RB1: variants seen among roughly 807,000 people sequenced by gnomAD.
RB1 encodes retinoblastoma-associated protein.
In RB1, 18 loss-of-function variants were observed where a neutral mutation model predicts 135.4. The ratio of observed to expected loss-of-function variants is 0.13; its 90% CI spans 0.09 to 0.20. RB1 has a LOEUF of 0.20. Ranked by LOEUF, RB1 falls within the 10% of genes least tolerant of loss-of-function variation. RB1 has a pLI of 1.00. For missense variants in RB1, 868 were observed against 1,110.0 expected, an observed-to-expected ratio of 0.78 and a Z score of 3.10; for synonymous variants, 365 against 373.2, an observed-to-expected ratio of 0.98 and a Z score of 0.25.
chr13:48,366,433 A>T (rs913010136), intron 9 of RB1, among the ~76,000 whole-genome samples: 8 of 152,230 alleles, frequency 5.3e-5, no homozygotes, highest in African/African-American at 1.9e-4. Context: ...ATTAATGAAA[A>T]GTTTGCATTT....
chr13:48,392,150 G>T (rs1948615609), intron 17 of RB1, among the ~76,000 whole-genome samples: 1 of 149,782 alleles, frequency 6.7e-6, no homozygotes, highest in Admixed American at 6.7e-5. Flanking sequence ...TCGCTCTTTT[G>T]CCCAGGCTGG....
At chr13:48,470,608 C>A (rs201302606) in intron 23 of RB1, among the ~76,000 whole-genome samples, 1 of 23,148 alleles carries the variant, frequency 4.3e-5, no homozygotes. Flanking sequence ...AAAGAAACTA[C>A]CATCAGAGTG....
chr13:48,428,808 A>G (rs1593508364), intron 17 of RB1, among the ~76,000 whole-genome samples: 1 of 152,226 alleles, frequency 6.6e-6, no homozygotes, highest in East Asian at 1.9e-4. Context: ...GCTGCTTTCA[A>G]ATAATTAGAA....
intron 17 of RB1, among the ~76,000 whole-genome samples, chr13:48,422,453 G>A (rs1300609372): frequency 3.3e-5 from 5 of 152,080 alleles, no homozygotes; most frequent in Non-Finnish European, 5.9e-5. Flanking sequence ...ACCATGGCAC[G>A]TGTATACCTA....
chr13:48,480,051 TC>T lies in RB1; in HGVS notation c.2768del (p.Ser923Ter). On this transcript the variant is annotated frameshift_variant, in exon 27 of 27. Transcript: ENST00000267163. LOFTEE classifies it high-confidence loss of function. The stretch of plus-strand genomic sequence containing the variant: ...GAAAATGAATGATAGCATGGATACC[TC>T]AAACAAGGAAGAGAAATGAGGATCT... ...KQKMNDSMDT[S>X]NKEEK is the part of the protein sequence containing the mutation. 6.2e-7 allele frequency: 1 copy of T among 1,612,990 alleles called. No individual in the cohort carries two copies. The highest frequency in any genetic ancestry group is 8.5e-7 in the Non-Finnish European group (1 of 1,179,176).
chr13:48,466,484 T>A (rs1041613816), intron 23 of RB1, among the ~76,000 whole-genome samples: 3 of 149,762 alleles, frequency 2.0e-5, no homozygotes, highest in Non-Finnish European at 4.5e-5. Context: ...AACTGGAAAC[T>A]CTAAAACGCA....
chr13:48,476,552 A>G, intron 24 of RB1, 149 bp from the exon 25 acceptor site: 1 of 754,304 alleles, frequency 1.3e-6, no homozygotes. Context: ...GATTTTTCAT[A>G]TCTTTTATTT....
At chr13:48,363,730 G>A (rs1952665569) in intron 8 of RB1, among the ~76,000 whole-genome samples, 1 of 152,094 alleles carries the variant, frequency 6.6e-6, no homozygotes, top group African/African-American at 2.4e-5. Context: ...TGAATTCCCA[G>A]GAATTACTTG....
intron 17 of RB1, among the ~76,000 whole-genome samples, chr13:48,409,763 T>C (rs1361046911): frequency 4.6e-5 from 7 of 151,816 alleles, no homozygotes; most frequent in Admixed American, 2.6e-4. Flanking sequence ...GTATTTTTAG[T>C]AGAGACGGGG....
intron 5 of RB1, among the ~76,000 whole-genome samples, chr13:48,348,714 G>A (rs982074937): frequency 4.0e-5 from 6 of 148,908 alleles, no homozygotes; most frequent in Non-Finnish European, 6.0e-5. Context: ...GGTCAAGAAT[G>A]TATACTATTC....
chr13:48,387,351 T>C (rs1264775004), intron 17 of RB1, among the ~76,000 whole-genome samples: 2 of 152,202 alleles, frequency 1.3e-5, no homozygotes, highest in African/African-American at 4.8e-5. Flanking sequence ...CAACATCCTT[T>C]AATGTAAAAA....
chr13:48,310,701 TGTA>T (rs1952123142), intron 2 of RB1, among the ~76,000 whole-genome samples: 1 of 152,158 alleles, frequency 6.6e-6, no homozygotes, highest in African/African-American at 2.4e-5. Flanking sequence ...TTAAATGCAT[TGTA>T]GTGATTTTGA....
At chr13:48,457,347 A>G (rs1405677568) in intron 19 of RB1, among the ~76,000 whole-genome samples, 2 of 152,118 alleles carry the variant, frequency 1.3e-5, no homozygotes, top group South Asian at 2.1e-4. Context: ...CTATCAGTAG[A>G]GAGGGTAGTT....
chr13:48,444,368 T>G (rs956890771), intron 17 of RB1, among the ~76,000 whole-genome samples: 2 of 151,966 alleles, frequency 1.3e-5, no homozygotes, highest in African/African-American at 4.8e-5. Flanking sequence ...AATACAAAAA[T>G]TATCTGGGTG....
In RB1 at chr13:48,465,259, A is replaced by G. The variant is rs746089525; in HGVS notation, c.2380A>G (p.Ser794Gly). ...HIPRSPYKFP[S>G]SPLRIPGGNI... is the part of the protein sequence containing the mutation. ...TCCTCGAAGCCCTTACAAGTTTCCT[A>G]GTTCACCCTTACGGATTCCTGGAGG... Residue 794 changes from serine (S) to glycine (G), a missense_variant, in exon 23 of 27, where the codon AGT becomes GGT. Around this residue, in one of 3 missense-constraint regions of RB1, gnomAD observed 196 missense variants for 239.8 expected, o/e 0.82. Coordinates refer to ENST00000267163, the MANE Select transcript of RB1 (RefSeq NM_000321.3). 7 of 1,613,618 alleles carry G rather than the reference A, an allele frequency of 4.3e-6. No individual in the cohort carries two copies.
chr13:48,306,279 C>A (rs1376483370), intron 1 of RB1, among the ~76,000 whole-genome samples: 1 of 152,188 alleles, frequency 6.6e-6, no homozygotes, highest in African/African-American at 2.4e-5. Context: ...CTGTGGCACA[C>A]CTGTAGGCTC....
chr13:48,362,670 A>G, intron 7 of RB1, 145 bp from the exon 8 acceptor site: 2 of 876,896 alleles, frequency 2.3e-6, no homozygotes, highest in East Asian at 5.4e-5. Flanking sequence ...ATATGGATGA[A>G]ATTGTTATCC....
chr13:48,382,783 G>A, intron 17 of RB1, among the ~76,000 whole-genome samples: 1 of 152,160 alleles, frequency 6.6e-6, no homozygotes, highest in Non-Finnish European at 1.5e-5. Context: ...CCGATGTCCT[G>A]AATGGTATTG....
At chr13:48,476,466 A>G in intron 24 of RB1, 1 of 471,356 alleles carries the variant, frequency 2.1e-6, no homozygotes, top group Non-Finnish European at 3.9e-6. Flanking sequence ...TGTGAGCTGC[A>G]TGGGAAAAGA....
Sources: gnomAD v4.1 joint callset for allele counts (sites outside exome capture counted in the v4.1 genomes callset) on GRCh38, gnomAD v4.1.1 for gene constraint, gnomAD v4.1.1 regional missense constraint, MANE v1.5 for transcripts, NCBI Gene and HGNC (gene_info 2026-07-23, HGNC 2026-07-21) for gene names.